The following CTNNA2 variants were observed in gnomAD, a reference collection of about 807,000 sequenced individuals.
The protein encoded by CTNNA2 is catenin alpha-2.
A neutral mutation model predicts 101.0 loss-of-function variants in CTNNA2; 42 were observed. The observed-to-expected ratio is 0.42, with a 90% CI of 0.32 to 0.54. CTNNA2 has a LOEUF of 0.54. Ranked by LOEUF, CTNNA2 falls within the 20% of genes least tolerant of loss-of-function variation. The pLI is 0.14. For missense variants in CTNNA2, 871 were observed against 1,223.1 expected, an observed-to-expected ratio of 0.71 and a Z score of 4.29; for synonymous variants, 450 against 456.4, an observed-to-expected ratio of 0.99 and a Z score of 0.18.
chr2:80,121,363 A>T (rs961495755), intron 7 of CTNNA2, among the ~76,000 whole-genome samples: 1 of 152,314 alleles, frequency 6.6e-6, no homozygotes, highest in South Asian at 2.1e-4. Flanking sequence ...TATTACTTTT[A>T]TCCTCTCCAG....
chr2:79,765,498 A>G (rs1366710122), intron 3 of CTNNA2, among the ~76,000 whole-genome samples: 1 of 152,190 alleles, frequency 6.6e-6, no homozygotes, highest in Non-Finnish European at 1.5e-5. Flanking sequence ...TAAATTCTAT[A>G]TGCACATTGA....
At position 80,625,001 on chromosome 2, in the gene CTNNA2, A is replaced by G. The variant is rs74669131; in HGVS notation, c.2574+5773A>G. ...TGGTTCTAAAAAGATGTTCCAGGCA[A>G]AATTATTTACCTCAAGGCCTATTCT... is the stretch of plus-strand genomic sequence containing the variant. On this transcript the variant is annotated intron_variant, in intron 18 of 18. Coordinates refer to ENST00000402739, the MANE Select transcript of CTNNA2 (RefSeq NM_001282597.3). Among the ~76,000 whole-genome samples the G allele has an allele frequency of 5.7e-4, 86 of 152,052 alleles. No homozygotes were observed. The East Asian group carries it at 0.016, about 28-fold the overall frequency.
chr2:80,188,319 CTTTT>C (rs1558886003), intron 7 of CTNNA2, among the ~76,000 whole-genome samples: 1 of 152,050 alleles, frequency 6.6e-6, no homozygotes, highest in African/African-American at 2.4e-5. Flanking sequence ...TTTAGTTTTT[CTTTT>C]TCTTTTTAAG....
chr2:80,319,433 G>A (rs1678464392), intron 7 of CTNNA2, among the ~76,000 whole-genome samples: 1 of 152,118 alleles, frequency 6.6e-6, no homozygotes, highest in Non-Finnish European at 1.5e-5. Flanking sequence ...TACATAATAT[G>A]GCGAACAGTA....
At chr2:80,167,047 A>G (rs986502054) in intron 7 of CTNNA2, among the ~76,000 whole-genome samples, 3 of 151,740 alleles carry the variant, frequency 2.0e-5, no homozygotes, top group Non-Finnish European at 4.4e-5. Flanking sequence ...TTCTTCTTAC[A>G]CTTGTTTTAT....
rs72926605 is a variant in CTNNA2 at position 80,119,309 on chromosome 2, A to T, written c.1056+209512A>T. On this transcript the variant is annotated intron_variant, in intron 7 of 18. Coordinates refer to ENST00000402739, the MANE Select transcript of CTNNA2 (RefSeq NM_001282597.3). The stretch of plus-strand genomic sequence containing the variant: ...CCTGACTCTCTCCCTGACATATTTC[A>T]TTAGCTAGATTGGGTCACCAGACTA... Among the ~76,000 whole-genome samples, 559 of 152,276 alleles carry T rather than the reference A, an allele frequency of 3.7e-3. 3 individuals are homozygous for T. The highest frequency in any genetic ancestry group is 0.013 in the African/African-American group (536 of 41,554).
chr2:79,810,959 G>T (rs549389680), intron 3 of CTNNA2, among the ~76,000 whole-genome samples: 1 of 151,376 alleles, frequency 6.6e-6, no homozygotes, highest in South Asian at 2.1e-4. Context: ...CCAAGTCTTT[G>T]CTATTGTGAA....
At chr2:79,271,888 A>T (rs1454775790) in intron 2 of CTNNA2, among the ~76,000 whole-genome samples, 1 of 151,976 alleles carries the variant, frequency 6.6e-6, no homozygotes, top group Admixed American at 6.6e-5. Flanking sequence ...GCTTCTCCTG[A>T]TTACTGAAAG....
intron 7 of CTNNA2, among the ~76,000 whole-genome samples, chr2:79,945,082 A>C (rs1688405470): frequency 6.6e-6 from 1 of 152,010 alleles, no homozygotes; most frequent in Non-Finnish European, 1.5e-5. Context: ...TCATTCTGTC[A>C]CCCAGGCTGG....
At chr2:80,233,388 A>G (rs1201862980) in intron 7 of CTNNA2, among the ~76,000 whole-genome samples, 1 of 152,042 alleles carries the variant, frequency 6.6e-6, no homozygotes, top group African/African-American at 2.4e-5. Flanking sequence ...TTTCTCTGTC[A>G]TGGCATTTTA....
chr2:80,413,367 A>C (rs1443076417), intron 8 of CTNNA2, among the ~76,000 whole-genome samples: 5 of 152,230 alleles, frequency 3.3e-5, no homozygotes, highest in Non-Finnish European at 5.9e-5. Flanking sequence ...AGTTGGTTTC[A>C]TCAAGATAAT....
chr2:79,285,357 T>G (rs927539511), intron 2 of CTNNA2, among the ~76,000 whole-genome samples: 1 of 150,276 alleles, frequency 6.7e-6, no homozygotes, highest in African/African-American at 2.4e-5. Flanking sequence ...GGGTGTCAAT[T>G]TTGGATCTTT....
chr2:80,620,600 G>A (rs970629156), intron 18 of CTNNA2, among the ~76,000 whole-genome samples: 2 of 151,894 alleles, frequency 1.3e-5, no homozygotes, highest in Non-Finnish European at 2.9e-5. Flanking sequence ...TCCCCTGCAG[G>A]CAACTTAATA....
chr2:80,197,020 C>T (rs1003909839), intron 7 of CTNNA2, among the ~76,000 whole-genome samples: 2 of 152,136 alleles, frequency 1.3e-5, no homozygotes, highest in Non-Finnish European at 2.9e-5. Flanking sequence ...TACTATTTTC[C>T]ATCTCTTGCC....
intron 9 of CTNNA2, among the ~76,000 whole-genome samples, chr2:80,426,622 G>T (rs759065858): frequency 6.6e-6 from 1 of 152,082 alleles, no homozygotes; most frequent in Non-Finnish European, 1.5e-5. Flanking sequence ...CCTGCCTGAG[G>T]CCATTCAGAG....
At chr2:80,647,075 A>G (rs1674177620) in intron 18 of CTNNA2, among the ~76,000 whole-genome samples, 1 of 151,838 alleles carries the variant, frequency 6.6e-6, no homozygotes, top group African/African-American at 2.4e-5. Flanking sequence ...AGGTATACTG[A>G]GGACCTGTTA....
Position 80,410,663 on chromosome 2 carries a change from AATT to A in CTNNA2, c.1138-8785_1138-8783del, listed in dbSNP as rs1679486779. ...GGGCATTTAAACCATTCTAGTAGTC[AATT>A]TACAGAGGAATTACATTGCCTGTTT... On this transcript the variant is annotated intron_variant, in intron 8 of 18. Transcript: ENST00000402739. Among the ~76,000 whole-genome samples the A allele has an allele frequency of 2.0e-5, 3 of 152,170 alleles. No individual in the cohort carries two copies. In the South Asian group the frequency reaches 6.2e-4, roughly 32 times the overall value.
chr2:79,469,899 T>G (rs1260043075), intron 4 of CTNNA2, among the ~76,000 whole-genome samples: 2 of 152,170 alleles, frequency 1.3e-5, no homozygotes, highest in Admixed American at 1.3e-4. Context: ...AAGAGCTATT[T>G]ATGACATACC....
intron 7 of CTNNA2, among the ~76,000 whole-genome samples, chr2:80,249,157 G>T (rs1327332124): frequency 6.6e-6 from 1 of 152,140 alleles, no homozygotes; most frequent in Non-Finnish European, 1.5e-5. Flanking sequence ...GGAAGGCAAG[G>T]CAAACCAAAA....
Sources: allele counts gnomAD v4.1 joint callset (sites outside exome capture counted in the v4.1 genomes callset), GRCh38; gene constraint gnomAD v4.1.1; transcripts MANE v1.5; gene names NCBI Gene and HGNC (gene_info 2026-07-23, HGNC 2026-07-21).